The following SCARA5 variants were observed in gnomAD, a reference collection of about 807,000 sequenced individuals.
SCARA5 encodes scavenger receptor class A member 5.
A neutral mutation model predicts 46.3 loss-of-function variants in SCARA5; 45 were observed. That is an observed-to-expected ratio of 0.97 (90% confidence interval 0.76 to 1.24). The LOEUF is 1.24. Ranked by LOEUF, SCARA5 falls within the 50% of genes most tolerant of loss-of-function variation. The pLI, the probability that SCARA5 is intolerant of heterozygous loss-of-function variation, is 0.00. For missense variants in SCARA5, 680 were observed against 689.0 expected (o/e 0.99, Z 0.15); for synonymous variants, 333 against 306.5 (o/e 1.09, Z -0.90).
rs1807587933 is a variant in SCARA5, at chr8:27,921,636, G to A, written c.851C>T (p.Thr284Ile). The A allele has an allele frequency of 1.2e-6, 2 of 1,603,752 alleles. No homozygotes were observed. Among genetic ancestry groups the A allele is most frequent in the Non-Finnish European group, 1.7e-6 (2 of 1,174,400 alleles). ...CCAGTCCTTGAGGCGCAGGTCCTCG[G>A]TGACCGCGTTGAGCATGGCCAGCTC... ...KQELAMLNAV[T>I]EDLRLKDWEH... The change falls in exon 4 of 9, where the codon ACC becomes ATC. Residue 284 changes from threonine (T) to isoleucine (I), a missense_variant. Coordinates refer to ENST00000354914, the MANE Select transcript of SCARA5 (RefSeq NM_173833.6).
At chr8:27,913,695 G>A (rs1279937946) in intron 4 of SCARA5, among the ~76,000 whole-genome samples, 1 of 152,142 alleles carries the variant, frequency 6.6e-6, no homozygotes, top group Non-Finnish European at 1.5e-5. Flanking sequence ...GTGCCTTGCT[G>A]TCTGATCCAT....
intron 2 of SCARA5, among the ~76,000 whole-genome samples, chr8:27,970,617 C>G (rs146828377): frequency 2.6e-5 from 4 of 152,222 alleles, no homozygotes; most frequent in African/African-American, 4.8e-5. Flanking sequence ...TATGGGGTAG[C>G]CCTGCTCTGC....
chr8:27,921,891 A>G lies in SCARA5; in HGVS notation c.596T>C (p.Leu199Pro). The part of the protein sequence containing the change: ...QVESNSSQLL[L>P]RRHAGLLDGL... Reference sequence around the variant, plus strand: ...GTCCAGCAGGCCCGCGTGGCGCCTCAGCAGCAGCTGGCTACTGTTGCTCTC... The same window carrying G: ...GTCCAGCAGGCCCGCGTGGCGCCTCGGCAGCAGCTGGCTACTGTTGCTCTC... Residue 199 changes from leucine to proline, a missense_variant, in exon 4 of 9, where the codon CTG becomes CCG. Leu to Pro is a moderately conservative substitution (Grantham distance 98). Coordinates refer to ENST00000354914, the MANE Select transcript of SCARA5 (RefSeq NM_173833.6). 1 of 1,502,062 alleles carries G rather than the reference A, an allele frequency of 6.7e-7. No homozygotes were observed. 93.0% of individuals were successfully genotyped at this position (1,502,062 alleles called of 1,614,324 possible).
At chr8:27,936,798 A>C (rs1219710787) in intron 3 of SCARA5, among the ~76,000 whole-genome samples, 1 of 152,054 alleles carries the variant, frequency 6.6e-6, no homozygotes, top group African/African-American at 2.4e-5. Flanking sequence ...GTCAGAACTT[A>C]AAAGGAAGAA....
chr8:27,976,540 T>G (rs1808526716), intron 2 of SCARA5, among the ~76,000 whole-genome samples: 1 of 152,204 alleles, frequency 6.6e-6, no homozygotes, highest in African/African-American at 2.4e-5. Flanking sequence ...AATGCAACCT[T>G]CCGCCCACCT....
intron 4 of SCARA5, 40 bp downstream of exon 4, chr8:27,921,531 G>A: frequency 6.7e-7 from 1 of 1,502,806 alleles, no homozygotes. Flanking sequence ...GACCCCATCA[G>A]AAGGGGCCGT....
At chr8:27,900,351 A>C (rs1807130955) in intron 7 of SCARA5, among the ~76,000 whole-genome samples, 1 of 152,190 alleles carries the variant, frequency 6.6e-6, no homozygotes, top group Non-Finnish European at 1.5e-5. Flanking sequence ...AGAGACAGAA[A>C]CATCTCAGCA....
chr8:27,903,712 G>A (rs1013515802), intron 7 of SCARA5: 7 of 152,330 alleles, frequency 4.6e-5, no homozygotes, highest in Non-Finnish European at 1.0e-4. Flanking sequence ...ATTTTGGTGG[G>A]GCTGATAGTC....
At chr8:27,983,306 C>A (rs1808652337) in intron 2 of SCARA5, among the ~76,000 whole-genome samples, 1 of 152,234 alleles carries the variant, frequency 6.6e-6, no homozygotes, top group Admixed American at 6.5e-5. Flanking sequence ...GACAGGGGCA[C>A]TCACGCTTGC....
chr8:27,884,821 C>CA (rs1481394424), intron 7 of SCARA5, among the ~76,000 whole-genome samples: 1 of 152,154 alleles, frequency 6.6e-6, no homozygotes, highest in African/African-American at 2.4e-5. Flanking sequence ...GAGAGTCTAG[C>CA]AATACAGCTA....
chr8:27,925,967 G>A (rs1165973108), intron 3 of SCARA5, among the ~76,000 whole-genome samples: 1 of 152,218 alleles, frequency 6.6e-6, no homozygotes, highest in South Asian at 2.1e-4. Flanking sequence ...TGGAGAGGAT[G>A]TGGAGAAATA....
intron 4 of SCARA5, 144 bp downstream of exon 4, chr8:27,921,427 T>C: frequency 1.5e-6 from 1 of 684,282 alleles, no homozygotes; most frequent in Non-Finnish European, 2.3e-6. Context: ...AGGGCAAGAC[T>C]TAGAGAGTAT....
chr8:27,935,337 C>T (rs1304115733), intron 3 of SCARA5, among the ~76,000 whole-genome samples: 3 of 152,164 alleles, frequency 2.0e-5, no homozygotes, highest in African/African-American at 7.2e-5. Flanking sequence ...CATCGCAACC[C>T]AGGCTGCTTA....
intron 2 of SCARA5, among the ~76,000 whole-genome samples, chr8:27,976,606 G>A (rs559062964): frequency 1.8e-4 from 27 of 152,282 alleles, no homozygotes; most frequent in South Asian, 1.7e-3. Flanking sequence ...AAACAAATGA[G>A]TTGAATACAC....
chr8:27,960,843 T>C (rs1286483973), intron 3 of SCARA5, among the ~76,000 whole-genome samples: 1 of 151,442 alleles, frequency 6.6e-6, no homozygotes, highest in African/African-American at 2.4e-5. Flanking sequence ...TAAAAAAACA[T>C]AAATAGAATA....
chr8:27,961,268 C>T (rs574277844), intron 3 of SCARA5, among the ~76,000 whole-genome samples: 4 of 152,298 alleles, frequency 2.6e-5, no homozygotes, highest in Admixed American at 1.3e-4. Context: ...GTCTTGGCAT[C>T]CCCCTCATGG....
chr8:27,892,491 A>G (rs1045823320), intron 7 of SCARA5, among the ~76,000 whole-genome samples: 5 of 152,042 alleles, frequency 3.3e-5, no homozygotes, highest in Non-Finnish European at 4.4e-5. Context: ...ACACACTGTC[A>G]TGGTGATTCC....
intron 7 of SCARA5, among the ~76,000 whole-genome samples, chr8:27,891,630 G>C (rs73237374): frequency 0.057 from 8,719 of 152,296 alleles, 326 homozygotes; most frequent in Non-Finnish European, 0.085. Flanking sequence ...AACACCTGAA[G>C]ACAGGGCCCC....
intron 3 of SCARA5, among the ~76,000 whole-genome samples, chr8:27,935,875 T>A (rs369779097): frequency 2.6e-4 from 40 of 152,052 alleles, no homozygotes; most frequent in African/African-American, 9.4e-4. Flanking sequence ...GAAGGGGAGG[T>A]CCTGGGGACA....
Sources: allele counts gnomAD v4.1 joint callset (sites outside exome capture counted in the v4.1 genomes callset), GRCh38; gene constraint gnomAD v4.1.1; transcripts MANE v1.5; gene names NCBI Gene and HGNC (gene_info 2026-07-23, HGNC 2026-07-21).